SUGCT: variants seen among roughly 807,000 people sequenced by gnomAD.
SUGCT encodes succinyl-CoA:glutarate CoA-transferase.
A neutral mutation model predicts 55.0 loss-of-function variants in SUGCT; 41 were observed. That is an observed-to-expected ratio of 0.74 (90% CI 0.58 to 0.97). The LOEUF (loss-of-function observed/expected upper bound fraction) is 0.97. SUGCT is among the 50% of genes least tolerant of loss of function. The pLI, the probability that SUGCT is intolerant of heterozygous loss-of-function variation, is 0.00. For synonymous variants in SUGCT, 187 were observed against 200.4 expected (o/e 0.93, Z 0.56); for missense variants, 568 against 547.8 (o/e 1.04, Z -0.37).
chr7:40,678,120 C>G (rs1419874975), intron 12 of SUGCT, among the ~76,000 whole-genome samples: 1 of 152,160 alleles, frequency 6.6e-6, no homozygotes, highest in Non-Finnish European at 1.5e-5. Context: ...TCTCAGAGGT[C>G]AGACATCCTT....
chr7:40,283,042 A>G (rs1445347548), intron 8 of SUGCT, among the ~76,000 whole-genome samples: 2 of 152,172 alleles, frequency 1.3e-5, no homozygotes, highest in African/African-American at 4.8e-5. Flanking sequence ...ACAAGATTGC[A>G]TCAAACTAAA....
At chr7:40,368,810 A>T (rs1030752967) in intron 9 of SUGCT, among the ~76,000 whole-genome samples, 1 of 152,104 alleles carries the variant, frequency 6.6e-6, no homozygotes, top group Non-Finnish European at 1.5e-5. Context: ...GGCTCATTCA[A>T]CTACAACTTT....
At chr7:40,499,689 A>C (rs888247601) in intron 12 of SUGCT, among the ~76,000 whole-genome samples, 1 of 152,186 alleles carries the variant, frequency 6.6e-6, no homozygotes, top group African/African-American at 2.4e-5. Flanking sequence ...GTCTTTCTCA[A>C]TGACAAATTA....
chr7:40,197,454 C>T (rs546495453), intron 6 of SUGCT, among the ~76,000 whole-genome samples: 1 of 152,276 alleles, frequency 6.6e-6, no homozygotes, highest in East Asian at 1.9e-4. Flanking sequence ...TTCTGTTTCC[C>T]ATGTCTGTGG....
chr7:40,606,048 G>A (rs1454630010), intron 12 of SUGCT, among the ~76,000 whole-genome samples: 1 of 152,150 alleles, frequency 6.6e-6, no homozygotes, highest in Non-Finnish European at 1.5e-5. Context: ...GAGAGTGTGA[G>A]GGCTGCTTTT....
chr7:40,234,833 C>T (rs1788918715), intron 6 of SUGCT, among the ~76,000 whole-genome samples: 1 of 151,842 alleles, frequency 6.6e-6, no homozygotes, highest in African/African-American at 2.4e-5. Flanking sequence ...TGCTGGAACA[C>T]AGTCAGTCGA....
At chr7:40,723,570 G>T (rs1225423106) in intron 12 of SUGCT, among the ~76,000 whole-genome samples, 2 of 152,128 alleles carry the variant, frequency 1.3e-5, no homozygotes, top group African/African-American at 4.8e-5. Flanking sequence ...GAAGAATGAG[G>T]TTTACTTTGA....
At chr7:40,538,364 G>A (rs1171131601) in intron 12 of SUGCT, 2 of 152,096 alleles carry the variant, frequency 1.3e-5, no homozygotes, top group Admixed American at 1.3e-4. Flanking sequence ...GTCCTGGTAT[G>A]GAAGAAATGA....
intron 12 of SUGCT, among the ~76,000 whole-genome samples, chr7:40,663,264 T>C (rs982012444): frequency 2.6e-5 from 4 of 151,922 alleles, no homozygotes; most frequent in Non-Finnish European, 2.9e-5. Context: ...TTTTAACTTT[T>C]TCTTGCTTAC....
At chr7:40,954,795 A>G in the SUGCT span, among the ~76,000 whole-genome samples, 1 of 152,096 alleles carries the variant, frequency 6.6e-6, no homozygotes, top group African/African-American at 2.4e-5. Context: ...CATTTAATCC[A>G]TCTTGAATTA....
chr7:40,701,976 C>CT (rs1785189610), intron 12 of SUGCT, among the ~76,000 whole-genome samples: 1 of 152,328 alleles, frequency 6.6e-6, no homozygotes, highest in African/African-American at 2.4e-5. Context: ...CAAAGGAAAG[C>CT]TGTAGAAATG....
intron 12 of SUGCT, among the ~76,000 whole-genome samples, chr7:40,622,528 G>GTTTTT (rs370877783): frequency 2.2e-3 from 178 of 81,728 alleles, no homozygotes; most frequent in African/African-American, 2.8e-3. Context: ...TGTTGTGGTT[G>GTTTTT]TTTTTTTTTT....
At chr7:40,409,056 G>A (rs1443914570) in intron 9 of SUGCT, among the ~76,000 whole-genome samples, 2 of 152,168 alleles carry the variant, frequency 1.3e-5, no homozygotes, top group East Asian at 3.9e-4. Context: ...CCAGGCTCAA[G>A]TGATCCTCCC....
intron 9 of SUGCT, among the ~76,000 whole-genome samples, chr7:40,340,089 A>T (rs73688037): frequency 0.014 from 2,202 of 152,286 alleles, 46 homozygotes; most frequent in South Asian, 0.059. Flanking sequence ...CCAGAAACCA[A>T]CTCAATATGG....
intron 9 of SUGCT, among the ~76,000 whole-genome samples, chr7:40,382,877 T>A (rs1042895183): frequency 6.6e-6 from 1 of 152,226 alleles, no homozygotes; most frequent in African/African-American, 2.4e-5. Context: ...AACGTGATAA[T>A]ATTACATAGA....
chr7:40,520,398 G>T (rs934974179), intron 12 of SUGCT, among the ~76,000 whole-genome samples: 1 of 152,108 alleles, frequency 6.6e-6, no homozygotes, highest in Non-Finnish European at 1.5e-5. Flanking sequence ...TCTAGAGTAA[G>T]TCTGCCCGTG....
In SUGCT at chr7:40,194,927, C is replaced by T; in HGVS notation, c.364-13C>T. ...TGAGTGGAAGTCTGACTCATGTTCA[C>T]CTCTTCCATCAGCTTGCAGCTGTTT... On this transcript the variant is annotated splice_polypyrimidine_tract_variant and intron_variant, in intron 5 of 13. Coordinates refer to ENST00000335693, the MANE Select transcript of SUGCT (RefSeq NM_001193313.2). The T allele has an allele frequency of 6.2e-7, 1 of 1,610,216 alleles. No homozygotes were observed. Among genetic ancestry groups the T allele is most frequent in the Non-Finnish European group, 8.5e-7 (1 of 1,178,346 alleles).
chr7:40,455,686 C>G (rs559959309), intron 10 of SUGCT, among the ~76,000 whole-genome samples: 103 of 152,296 alleles, frequency 6.8e-4, no homozygotes, highest in Non-Finnish European at 1.3e-3. Flanking sequence ...AATTGTGAAA[C>G]CTCACATTTC....
intron 13 of SUGCT, among the ~76,000 whole-genome samples, chr7:40,763,430 C>T (rs1446550633): frequency 6.6e-6 from 1 of 152,112 alleles, no homozygotes; most frequent in Non-Finnish European, 1.5e-5. Flanking sequence ...GAAATCCATG[C>T]CCTTTTATTG....
Sources: gnomAD v4.1 joint callset for allele counts (sites outside exome capture counted in the v4.1 genomes callset) on GRCh38, gnomAD v4.1.1 for gene constraint, MANE v1.5 for transcripts, NCBI Gene and HGNC (gene_info 2026-07-23, HGNC 2026-07-21) for gene names.